Variants in ZNF608 observed in about 807,000 individuals in gnomAD.
The protein encoded by ZNF608 is zinc finger protein 608.
In ZNF608, 12 loss-of-function variants were observed where a neutral mutation model predicts 109.0. The observed-to-expected ratio is 0.11, with a 90% CI of 0.07 to 0.18. The LOEUF (loss-of-function observed/expected upper bound fraction) is 0.18. Ranked by LOEUF, ZNF608 falls within the 10% of genes least tolerant of loss-of-function variation. ZNF608 has a pLI of 1.00. For synonymous variants in ZNF608, 732 were observed against 717.4 expected, an observed-to-expected ratio of 1.02 and a Z score of -0.33; for missense variants, 1,707 against 1,879.3, an observed-to-expected ratio of 0.91 and a Z score of 1.70.
At chr5:124,728,150 T>C (rs959399423) in intron 2 of ZNF608, among the ~76,000 whole-genome samples, 1 of 152,202 alleles carries the variant, frequency 6.6e-6, no homozygotes, top group African/African-American at 2.4e-5. Context: ...AGGAAAGCTC[T>C]TATGCCTCTC....
At chr5:124,664,829 T>C (rs1751410132) in intron 3 of ZNF608, among the ~76,000 whole-genome samples, 1 of 152,210 alleles carries the variant, frequency 6.6e-6, no homozygotes, top group Non-Finnish European at 1.5e-5. Context: ...ATCTTGATGA[T>C]GATAGTGGTA....
intron 3 of ZNF608, among the ~76,000 whole-genome samples, chr5:124,681,680 T>C (rs1479275079): frequency 6.6e-6 from 1 of 152,160 alleles, no homozygotes; most frequent in Non-Finnish European, 1.5e-5. Context: ...GCCTGGGAAT[T>C]TGTGGCTGTA....
chr5:124,661,930 T>G (rs1172967536), intron 3 of ZNF608, among the ~76,000 whole-genome samples: 2 of 152,220 alleles, frequency 1.3e-5, no homozygotes, highest in Non-Finnish European at 2.9e-5. Flanking sequence ...GTTAGTATCA[T>G]AGTATCATGA....
chr5:124,694,008 C>T (rs372448390), intron 3 of ZNF608, among the ~76,000 whole-genome samples: 570 of 23,098 alleles, frequency 0.025, 5 homozygotes, highest in African/African-American at 0.072. Flanking sequence ...GAGAGTCTCG[C>T]TCTGTTGCCC....
rs1486695890 is a variant in ZNF608 at position 124,643,666 on chromosome 5, C to T, written c.4141G>A (p.Gly1381Arg). 1 of 1,614,058 alleles carries T rather than the reference C, an allele frequency of 6.2e-7. No homozygotes were observed. The highest frequency in any genetic ancestry group is 8.5e-7 in the Non-Finnish European group (1 of 1,179,998). The change falls in exon 7 of 10, where the codon GGA becomes AGA. Residue 1381 changes from glycine to arginine, a missense_variant. This residue lies in a region of ZNF608 where 1,073 missense variants were observed against 1,133.5 expected (regional missense o/e 0.95). Transcript: ENST00000513986. Reference sequence around the variant, plus strand: ...TTCCCATAAACAGGATAATGAAATCCTGGAGAGAGATATGCCCCTGCAGAT... The same window carrying T: ...TTCCCATAAACAGGATAATGAAATCTTGGAGAGAGATATGCCCCTGCAGAT... ...HSYPGAYLSPGFHYPVYGKMS... is the reference protein window; with the variant it reads ...HSYPGAYLSPRFHYPVYGKMS...
chr5:124,703,545 C>A (rs544011649), intron 2 of ZNF608, among the ~76,000 whole-genome samples: 1 of 152,132 alleles, frequency 6.6e-6, no homozygotes, highest in Non-Finnish European at 1.5e-5. Context: ...GAAGGAGTAT[C>A]ACTTCAGGCT....
chr5:124,706,486 C>A (rs1238681083), intron 2 of ZNF608, among the ~76,000 whole-genome samples: 5 of 152,156 alleles, frequency 3.3e-5, no homozygotes, highest in African/African-American at 7.2e-5. Context: ...CAAGAGGCAA[C>A]AACAAATCCC....
At chr5:124,715,974 T>C (rs1753678595) in intron 2 of ZNF608, among the ~76,000 whole-genome samples, 1 of 151,606 alleles carries the variant, frequency 6.6e-6, no homozygotes, top group Admixed American at 6.6e-5. Flanking sequence ...AAACCCTGTC[T>C]CTACTAAAAA....
intron 3 of ZNF608, among the ~76,000 whole-genome samples, chr5:124,674,778 T>A (rs979873231): frequency 1.3e-5 from 2 of 152,254 alleles, no homozygotes; most frequent in South Asian, 4.1e-4. Context: ...ACCTGGCTAA[T>A]TTTTTTATTC....
At chr5:124,746,663 G>T, upstream of ZNF608, 1 of 985,368 alleles carries the variant, frequency 1.0e-6, no homozygotes, top group Non-Finnish European at 1.2e-6. Context: ...CTAACATCGG[G>T]ATAAATTAGT....
At chr5:124,649,221 C>CA (rs1561536487) in intron 4 of ZNF608, 88 bp from the exon 5 acceptor site, 1 of 1,113,554 alleles carries the variant, frequency 9.0e-7, no homozygotes, top group Non-Finnish European at 1.2e-6. Context: ...AAAGAGGAGT[C>CA]AACACTCCAG....
intron 8 of ZNF608, among the ~76,000 whole-genome samples, chr5:124,639,423 A>C (rs185483282): frequency 4.3e-4 from 66 of 152,342 alleles, no homozygotes; most frequent in Admixed American, 3.9e-3. Context: ...TTTTCTTAAT[A>C]GCTATTCGAA....
chr5:124,710,246 T>C, intron 2 of ZNF608: 1 of 455,408 alleles, frequency 2.2e-6, no homozygotes, highest in Non-Finnish European at 4.4e-6. Flanking sequence ...GAAAAGCCCA[T>C]TTTGGAAACC....
chr5:124,674,243 A>C (rs1420625967), intron 3 of ZNF608, among the ~76,000 whole-genome samples: 1 of 151,254 alleles, frequency 6.6e-6, no homozygotes, highest in East Asian at 2.0e-4. Context: ...TGTGTCTGGT[A>C]CTATGTTCAA....
chr5:124,640,502 G>A (rs376787764), intron 8 of ZNF608, among the ~76,000 whole-genome samples: 20 of 152,074 alleles, frequency 1.3e-4, no homozygotes, highest in African/African-American at 3.9e-4. Context: ...CTGAGCAGAC[G>A]CTGGCTGTAC....
At chr5:124,698,946 C>T (rs541755288) in intron 3 of ZNF608, among the ~76,000 whole-genome samples, 13 of 152,272 alleles carry the variant, frequency 8.5e-5, no homozygotes, top group Admixed American at 5.9e-4. Flanking sequence ...CTTAGTCCTA[C>T]TCCACACTTG....
At chr5:124,696,257 G>A (rs1394012319) in intron 3 of ZNF608, among the ~76,000 whole-genome samples, 5 of 151,754 alleles carry the variant, frequency 3.3e-5, no homozygotes, top group Admixed American at 6.6e-5. Flanking sequence ...CTGAAAACAC[G>A]GATTCCCAAA....
intron 3 of ZNF608, among the ~76,000 whole-genome samples, chr5:124,695,871 C>T (rs1752826975): frequency 6.6e-6 from 1 of 151,946 alleles, no homozygotes. Context: ...AATTTTAGAA[C>T]ATCTCTGGTG....
At chr5:124,735,223 A>G (rs1749088737) in intron 2 of ZNF608, 1 of 152,276 alleles carries the variant, frequency 6.6e-6, no homozygotes, top group African/African-American at 2.4e-5. Context: ...AATTGGAAGC[A>G]GATTAGAATT....
Sources: allele counts gnomAD v4.1 joint callset (sites outside exome capture counted in the v4.1 genomes callset), GRCh38; gene constraint gnomAD v4.1.1; regional missense constraint gnomAD v4.1.1; transcripts MANE v1.5; gene names NCBI Gene and HGNC (gene_info 2026-07-23, HGNC 2026-07-21).